The following CASP4 variants were observed in gnomAD, a reference collection of about 807,000 sequenced individuals.
The protein encoded by CASP4 is caspase 4, also known as caspase-4.
In CASP4, 29 loss-of-function variants were observed where a neutral mutation model predicts 41.3. That is an observed-to-expected ratio of 0.70 (90% confidence interval 0.52 to 0.96). The LOEUF (loss-of-function observed/expected upper bound fraction) is 0.96. Among genes scored for constraint, CASP4 ranks in the 40% least tolerant of loss-of-function variants. The probability of loss-of-function intolerance (pLI) is 0.00; values close to 1 mark genes in which losing one functional copy is unlikely to be tolerated. For missense variants in CASP4, 447 were observed against 460.6 expected (o/e 0.97, Z 0.27); for synonymous variants, 185 against 158.4 (o/e 1.17, Z -1.26).
At chr11:104,955,131 C>T (rs1860709244) in intron 1 of CASP4, 130 bp from the exon 2 acceptor site, 6 of 864,062 alleles carry the variant, frequency 6.9e-6, no homozygotes, top group South Asian at 5.3e-5. Context: ...TCTTCTTGTA[C>T]CTATAGAGTT....
chr11:104,954,926 T>A lies in CASP4; in HGVS notation c.83A>T (p.Asn28Ile), dbSNP rs1052419785. ...GKDFLTGVLD[N>I]LVEQNVLNWK... ...GTTCAGTACATTTTGTTCCACCAAG[T>A]TATCCAAAACACCAGTGAGGAAATC... The change falls in exon 2 of 9, where the codon AAC becomes ATC. Residue 28 changes from asparagine (N) to isoleucine (I), a missense_variant. By Grantham distance (149) the Asn-to-Ile change is moderately radical. Coordinates refer to ENST00000444739, the MANE Select transcript of CASP4 (RefSeq NM_001225.4). 6.2e-7 allele frequency: 1 copy of A among 1,613,600 alleles called. No individual in the cohort carries two copies. Among genetic ancestry groups the A allele is most frequent in the African/African-American group, 1.3e-5 (1 of 74,912 alleles).
At chr11:104,966,317 A>G (rs544184102) in intron 1 of CASP4, among the ~76,000 whole-genome samples, 2 of 149,276 alleles carry the variant, frequency 1.3e-5, no homozygotes, top group South Asian at 4.2e-4. Flanking sequence ...TCCCCTATCC[A>G]TTCAGGTATA....
chr11:104,961,756 G>A (rs186280857), intron 1 of CASP4, among the ~76,000 whole-genome samples: 7 of 152,316 alleles, frequency 4.6e-5, no homozygotes, highest in East Asian at 1.9e-4. Flanking sequence ...TCATCTTCGT[G>A]TGTGTTTGTA....
intron 1 of CASP4, among the ~76,000 whole-genome samples, chr11:104,963,718 T>G (rs1014698917): frequency 2.0e-5 from 3 of 152,192 alleles, no homozygotes; most frequent in Non-Finnish European, 4.4e-5. Flanking sequence ...ATGGGCTGAT[T>G]TCAAAATGGG....
At chr11:104,963,334 AAC>A (rs1860903934) in intron 1 of CASP4, among the ~76,000 whole-genome samples, 1 of 152,174 alleles carries the variant, frequency 6.6e-6, no homozygotes, top group South Asian at 2.1e-4. Flanking sequence ...CCTTGAGAAA[AAC>A]AGAGGAAGCA....
chr11:104,951,206 C>G (rs772267523), intron 3 of CASP4, 108 bp from the exon 4 acceptor site: 10 of 885,228 alleles, frequency 1.1e-5, no homozygotes, highest in South Asian at 7.4e-5. Context: ...CCTCTCTGCT[C>G]TAACTTGTAT....
Position 104,954,928 on chromosome 11 carries a change from A to G in CASP4, c.81T>C (p.Asp27=). 1 of 1,613,614 alleles carries G rather than the reference A, an allele frequency of 6.2e-7. No homozygotes were observed. Among genetic ancestry groups the G allele is most frequent in the Non-Finnish European group, 8.5e-7 (1 of 1,179,706 alleles). ...TCAGTACATTTTGTTCCACCAAGTT[A>G]TCCAAAACACCAGTGAGGAAATCTT... ...LGKDFLTGVL[D]NLVEQNVLNW... The change falls in exon 2 of 9, where the codon GAT becomes GAC. Residue 27 remains aspartate, a synonymous_variant. Transcript: ENST00000444739.
chr11:104,948,616 T>C lies in CASP4; in HGVS notation c.842A>G (p.Gln281Arg). 2 of 1,611,460 alleles carry C rather than the reference T, an allele frequency of 1.2e-6. No homozygotes were observed. Among genetic ancestry groups the C allele is most frequent in the African/African-American group, 1.3e-5 (1 of 74,984 alleles). Residue 281 changes from glutamine to arginine, a missense_variant, in exon 6 of 9, where the codon CAG becomes CGG. Gln to Arg is a conservative substitution (Grantham distance 43). Transcript: ENST00000444739. The stretch of plus-strand genomic sequence containing the variant: ...ATCTTCCTCTAGGTTCTCAGATGAC[T>C]GTGAAGAGGCCACTTCCAAGGATGC... ...SPASLEVASS[Q>R]SSENLEEDAV...
chr11:104,946,572 T>G (rs1860465474), intron 7 of CASP4: 1 of 152,208 alleles, frequency 6.6e-6, no homozygotes, highest in Non-Finnish European at 1.5e-5. Context: ...ACTTTTTTAT[T>G]GAAAGAATGA....
At position 104,949,524 on chromosome 11, in the gene CASP4, G is replaced by A. The variant is rs756530960; in HGVS notation, c.781+19C>T. On this transcript the variant is annotated intron_variant, in intron 5 of 8. Transcript: ENST00000444739. ...GCATACACCTTCATAACTGTTAGAT[G>A]TTCAGTCTCAGCACTCACCACCTCT... is the stretch of plus-strand genomic sequence containing the variant. 2.5e-6 allele frequency: 4 copies of A among 1,611,090 alleles called. No homozygotes were observed. Among genetic ancestry groups the A allele is most frequent in the Non-Finnish European group, 3.4e-6 (4 of 1,177,352 alleles).
intron 1 of CASP4, among the ~76,000 whole-genome samples, chr11:104,961,169 C>T (rs1304106686): frequency 1.3e-5 from 2 of 152,218 alleles, no homozygotes; most frequent in African/African-American, 2.4e-5. Flanking sequence ...TGGGGGCTGG[C>T]TCTGGTACTC....
At chr11:104,963,652 C>A (rs1346283441) in intron 1 of CASP4, among the ~76,000 whole-genome samples, 1 of 152,224 alleles carries the variant, frequency 6.6e-6, no homozygotes, top group Non-Finnish European at 1.5e-5. Context: ...TCTGGGCCAC[C>A]TGGAAGATAC....
chr11:104,956,631 A>G (rs1018225968), intron 1 of CASP4: 1 of 984,450 alleles, frequency 1.0e-6, no homozygotes, highest in East Asian at 1.1e-4. Flanking sequence ...AAAAGAATGT[A>G]GACAAGATAT....
At chr11:104,957,989 T>C (rs1860772871) in intron 1 of CASP4, among the ~76,000 whole-genome samples, 2 of 152,088 alleles carry the variant, frequency 1.3e-5, no homozygotes, top group South Asian at 4.1e-4. Flanking sequence ...ATAAACCCAA[T>C]TATTTACATT....
rs1431111707 is a variant in CASP4 at position 104,951,111 on chromosome 11, G to T, written c.373-13C>A. ...TTATTGGATAGATCTGCAGGATATGGAGATGCAATAAATTTAATTTACTCA... is the reference window on the plus strand; with the variant it reads ...TTATTGGATAGATCTGCAGGATATGTAGATGCAATAAATTTAATTTACTCA... On this transcript the variant is annotated splice_polypyrimidine_tract_variant and intron_variant, in intron 3 of 8. Coordinates refer to ENST00000444739, the MANE Select transcript of CASP4 (RefSeq NM_001225.4). 6.2e-7 allele frequency: 1 copy of T among 1,605,548 alleles called. No individual in the cohort carries two copies. The highest frequency in any genetic ancestry group is 1.3e-5 in the African/African-American group (1 of 74,448).
chr11:104,948,705 G>A, intron 5 of CASP4, 29 bp from the exon 6 acceptor site: 1 of 1,544,030 alleles, frequency 6.5e-7, no homozygotes, highest in Non-Finnish European at 8.8e-7. Context: ...TCTGCACACT[G>A]CTGTGCCTCC....
intron 1 of CASP4, among the ~76,000 whole-genome samples, chr11:104,959,090 A>G (rs1264853693): frequency 6.6e-6 from 1 of 152,080 alleles, no homozygotes; most frequent in Non-Finnish European, 1.5e-5. Flanking sequence ...TTAAGTATAT[A>G]TCAAAAATTG....
intron 1 of CASP4, among the ~76,000 whole-genome samples, chr11:104,967,177 T>C (rs1031742318): frequency 7.9e-5 from 12 of 152,238 alleles, no homozygotes; most frequent in African/African-American, 2.9e-4. Context: ...TGTCTACATT[T>C]GGTTGTTTAT....
intron 1 of CASP4, among the ~76,000 whole-genome samples, chr11:104,959,506 G>A (rs984111563): frequency 3.9e-5 from 6 of 152,084 alleles, no homozygotes; most frequent in African/African-American, 1.4e-4. Context: ...CATTCTGATG[G>A]CATCCATTAT....
Sources: allele counts gnomAD v4.1 joint callset (sites outside exome capture counted in the v4.1 genomes callset), GRCh38; gene constraint gnomAD v4.1.1; transcripts MANE v1.5; gene names NCBI Gene and HGNC (gene_info 2026-07-23, HGNC 2026-07-21).